CSMD1: variants seen among roughly 807,000 people sequenced by gnomAD.
CSMD1 encodes the protein CUB and sushi domain-containing protein 1.
A neutral mutation model predicts 417.5 loss-of-function variants in CSMD1; 213 were observed. That is an observed-to-expected ratio of 0.51 (90% confidence interval 0.46 to 0.57). The LOEUF is 0.57. CSMD1 is among the 20% of genes least tolerant of loss of function. The pLI is 0.00. For synonymous variants in CSMD1, 2,862 were observed against 1,736.8 expected (o/e 1.65, Z -16.11); for missense variants, 6,923 against 4,529.7 (o/e 1.53, Z -15.17).
At position 4,242,175 on chromosome 8, in the gene CSMD1, T is replaced by TG. The variant is rs536320193; in HGVS notation, c.415+177777dup. Among the ~76,000 whole-genome samples, 922 of 152,312 alleles carry TG rather than the reference T, an allele frequency of 6.1e-3. 2 individuals are homozygous for TG. Among genetic ancestry groups the TG allele is most frequent in the Non-Finnish European group, 9.8e-3 (666 of 68,026 alleles). ...ACCAAATTAGACATCCTTCTCAGAA[T>TG]GGTATATTAAAAACTTTAAATAAAA... On this transcript the variant is annotated intron_variant, in intron 3 of 69. Transcript: ENST00000635120.
intron 5 of CSMD1, among the ~76,000 whole-genome samples, chr8:3,917,587 T>G (rs1422170927): frequency 1.4e-5 from 2 of 138,768 alleles, no homozygotes; most frequent in African/African-American, 5.4e-5. Context: ...CTAGTTGACA[T>G]AAAGTTCAGA....
chr8:4,337,682 T>G (rs1178513583), intron 3 of CSMD1, among the ~76,000 whole-genome samples: 1 of 152,164 alleles, frequency 6.6e-6, no homozygotes, highest in African/African-American at 2.4e-5. Context: ...AATTTTTTCT[T>G]TAAGCATGCC....
At chr8:3,537,014 CT>C (rs199765106) in intron 10 of CSMD1, among the ~76,000 whole-genome samples, 1 of 151,822 alleles carries the variant, frequency 6.6e-6, no homozygotes, top group Non-Finnish European at 1.5e-5. Flanking sequence ...TCTTTCTTTT[CT>C]TTTTTTTGAG....
At chr8:3,915,620 T>A (rs1808765067) in intron 5 of CSMD1, among the ~76,000 whole-genome samples, 1 of 151,256 alleles carries the variant, frequency 6.6e-6, no homozygotes, top group African/African-American at 2.4e-5. Context: ...GAAAAGCTTA[T>A]CATATAATTA....
At chr8:4,326,115 C>G (rs1043504302) in intron 3 of CSMD1, among the ~76,000 whole-genome samples, 1 of 152,076 alleles carries the variant, frequency 6.6e-6, no homozygotes, top group Non-Finnish European at 1.5e-5. Flanking sequence ...AGCTCAGGGC[C>G]CTACCGTCAG....
chr8:3,128,971 C>T (rs150119330), intron 41 of CSMD1: 75 of 419,338 alleles, frequency 1.8e-4, no homozygotes, highest in Non-Finnish European at 2.9e-4. Flanking sequence ...GCGTGACAAA[C>T]AATACTAGCA....
intron 1 of CSMD1, among the ~76,000 whole-genome samples, chr8:4,736,455 C>G (rs187045553): frequency 6.6e-6 from 1 of 152,082 alleles, no homozygotes; most frequent in Non-Finnish European, 1.5e-5. Context: ...GCAGCAGGCC[C>G]CTCAGGTGGG....
At chr8:3,356,325 G>T (rs899797856) in intron 21 of CSMD1, among the ~76,000 whole-genome samples, 1 of 152,180 alleles carries the variant, frequency 6.6e-6, no homozygotes, top group Non-Finnish European at 1.5e-5. Context: ...ACAGAACTTA[G>T]GGATGAGGCA....
chr8:3,400,213 A>G (rs918653867), intron 15 of CSMD1, among the ~76,000 whole-genome samples: 15 of 152,200 alleles, frequency 9.9e-5, no homozygotes, highest in Non-Finnish European at 1.8e-4. Context: ...TTTAAATAGC[A>G]TACCAATATT....
At chr8:4,210,237 C>G (rs1443259598) in intron 3 of CSMD1, among the ~76,000 whole-genome samples, 6 of 152,202 alleles carry the variant, frequency 3.9e-5, no homozygotes, top group Admixed American at 3.9e-4. Flanking sequence ...GACTTTCTCA[C>G]AGGAGGGGCA....
chr8:3,847,366 G>T (rs1449973773), intron 5 of CSMD1, among the ~76,000 whole-genome samples: 1 of 152,098 alleles, frequency 6.6e-6, no homozygotes, highest in African/African-American at 2.4e-5. Context: ...AAGCAGAAGT[G>T]GTCCCCTCCT....
chr8:3,219,118 G>T, intron 29 of CSMD1, 137 bp downstream of exon 29: 2 of 639,680 alleles, frequency 3.1e-6, no homozygotes, highest in Non-Finnish European at 2.6e-6. Flanking sequence ...GAGGAGACAT[G>T]TATCTTCCCA....
At chr8:4,016,491 G>C (rs1016794728) in intron 4 of CSMD1, among the ~76,000 whole-genome samples, 2 of 152,094 alleles carry the variant, frequency 1.3e-5, no homozygotes, top group African/African-American at 2.4e-5. Context: ...AAGCTTCCTG[G>C]AGGACAAGGA....
intron 1 of CSMD1, among the ~76,000 whole-genome samples, chr8:4,694,199 C>A (rs1398802506): frequency 6.6e-6 from 1 of 152,142 alleles, no homozygotes; most frequent in Admixed American, 6.5e-5. Flanking sequence ...GAAATAAATG[C>A]GTATCTGATT....
At chr8:3,538,396 C>A (rs1203959849) in intron 10 of CSMD1, among the ~76,000 whole-genome samples, 1 of 152,202 alleles carries the variant, frequency 6.6e-6, no homozygotes. Context: ...GCTGGTGCAC[C>A]TGAGATGCCT....
intron 3 of CSMD1, among the ~76,000 whole-genome samples, chr8:4,082,982 T>C (rs1034272513): frequency 1.3e-5 from 2 of 152,018 alleles, no homozygotes; most frequent in African/African-American, 4.8e-5. Flanking sequence ...CCATGGTGTA[T>C]ATGTGCCACA....
At chr8:4,437,241 T>C (rs1798199661) in intron 2 of CSMD1, among the ~76,000 whole-genome samples, 2 of 152,234 alleles carry the variant, frequency 1.3e-5, no homozygotes, top group African/African-American at 2.4e-5. Context: ...AAGAACTGGT[T>C]CTGAAATTAG....
At chr8:3,643,801 G>C (rs1251283215) in intron 7 of CSMD1, among the ~76,000 whole-genome samples, 1 of 151,916 alleles carries the variant, frequency 6.6e-6, no homozygotes, top group African/African-American at 2.4e-5. Flanking sequence ...TACAGAGAAG[G>C]GGAGGAATCA....
chr8:3,229,783 A>T (rs571260843), intron 27 of CSMD1, among the ~76,000 whole-genome samples: 2 of 152,308 alleles, frequency 1.3e-5, no homozygotes, highest in African/African-American at 4.8e-5. Context: ...ATCCATGTTT[A>T]TGTAACATTT....
Sources: allele counts gnomAD v4.1 joint callset (sites outside exome capture counted in the v4.1 genomes callset), GRCh38; gene constraint gnomAD v4.1.1; transcripts MANE v1.5; gene names NCBI Gene and HGNC (gene_info 2026-07-23, HGNC 2026-07-21).